Variants in RFTN2 observed in about 807,000 individuals in gnomAD.
RFTN2 encodes the protein raftlin family member 2.
RFTN2 carries 34 observed loss-of-function variants against 52.7 expected under a neutral mutation model. The ratio of observed to expected loss-of-function variants is 0.64; its 90% CI spans 0.49 to 0.86. The LOEUF is 0.86. Ranked by LOEUF, RFTN2 falls within the 40% of genes least tolerant of loss-of-function variation. RFTN2 has a pLI of 0.00. For synonymous variants in RFTN2, 203 were observed against 217.7 expected (o/e 0.93, Z 0.59); for missense variants, 536 against 600.1 (o/e 0.89, Z 1.12).
intron 1 of RFTN2, among the ~76,000 whole-genome samples, chr2:197,661,585 G>A (rs935847569): frequency 6.6e-6 from 1 of 152,042 alleles, no homozygotes; most frequent in Non-Finnish European, 1.5e-5. Context: ...TGTGAATAGC[G>A]CTATGATAAA....
At chr2:197,578,134 C>A (rs2087448235) in intron 8 of RFTN2, among the ~76,000 whole-genome samples, 1 of 152,150 alleles carries the variant, frequency 6.6e-6, no homozygotes. Flanking sequence ...AGCGCTAGGG[C>A]CAAAGGTAAA....
At chr2:197,662,923 G>C (rs757616892) in intron 1 of RFTN2, among the ~76,000 whole-genome samples, 1 of 151,966 alleles carries the variant, frequency 6.6e-6, no homozygotes, top group African/African-American at 2.4e-5. Context: ...ACTGCACCTG[G>C]CCCCCTTCCA....
intron 8 of RFTN2, among the ~76,000 whole-genome samples, chr2:197,586,289 T>A (rs541077188): frequency 6.6e-6 from 1 of 152,210 alleles, no homozygotes; most frequent in Admixed American, 6.5e-5. Flanking sequence ...TCACACACCA[T>A]GAAAATCGAA....
chr2:197,657,836 C>T (rs2088914935), intron 1 of RFTN2, among the ~76,000 whole-genome samples: 1 of 152,126 alleles, frequency 6.6e-6, no homozygotes, highest in African/African-American at 2.4e-5. Flanking sequence ...AGAAGAGGAG[C>T]AATAAATGTG....
chr2:197,659,602 C>T (rs1321488355), intron 1 of RFTN2, among the ~76,000 whole-genome samples: 1 of 151,364 alleles, frequency 6.6e-6, no homozygotes, highest in Non-Finnish European at 1.5e-5. Context: ...TGGATTACTG[C>T]AGGTCAGGAG....
chr2:197,572,354 C>G, intron 8 of RFTN2, 74 bp from the exon 9 acceptor site: 1 of 1,391,056 alleles, frequency 7.2e-7, no homozygotes, highest in Non-Finnish European at 1.0e-6. Flanking sequence ...CTAGCACATG[C>G]TGCCTTTCTG....
chr2:197,628,758 G>A lies in RFTN2; in HGVS notation c.928+2253C>T, dbSNP rs150045771. The stretch of plus-strand genomic sequence containing the variant: ...CACCAGAAAATGAACTCTGACTGTA[G>A]GCTAGGCATTCTGGGAGTCACTTTA... On this transcript the variant is annotated intron_variant, in intron 5 of 8. Transcript: ENST00000295049. Among the ~76,000 whole-genome samples the A allele has an allele frequency of 5.9e-5, 9 of 152,322 alleles. No individual in the cohort carries two copies. In the East Asian group the frequency reaches 1.7e-3, roughly 29 times the overall value.
At chr2:197,661,254 A>G (rs1050767519) in intron 1 of RFTN2, among the ~76,000 whole-genome samples, 1 of 151,258 alleles carries the variant, frequency 6.6e-6, no homozygotes, top group Non-Finnish European at 1.5e-5. Context: ...TTTTGAGACA[A>G]GACTCCAGCT....
chr2:197,634,020 AG>A, intron 3 of RFTN2, 23 bp from the exon 4 acceptor site: 1 of 1,583,958 alleles, frequency 6.3e-7, no homozygotes, highest in Non-Finnish European at 8.6e-7. Context: ...AAGAGATGGC[AG>A]AACAAAATGT....
chr2:197,587,037 T>G (rs961401722), intron 8 of RFTN2, among the ~76,000 whole-genome samples: 4 of 152,224 alleles, frequency 2.6e-5, no homozygotes, highest in Admixed American at 6.5e-5. Flanking sequence ...AATTCTTTAA[T>G]ACCTGTTCTT....
chr2:197,615,373 C>T (rs753149022), intron 7 of RFTN2, among the ~76,000 whole-genome samples: 8 of 152,248 alleles, frequency 5.3e-5, no homozygotes, highest in Non-Finnish European at 7.3e-5. Context: ...AAGCATTTTA[C>T]ATAATGACTT....
At chr2:197,602,422 ACTT>A (rs1408741196) in intron 7 of RFTN2, among the ~76,000 whole-genome samples, 2 of 152,172 alleles carry the variant, frequency 1.3e-5, no homozygotes, top group South Asian at 2.1e-4. Context: ...GACAACTTGA[ACTT>A]CTTCTTGGTT....
chr2:197,639,628 G>C (rs2088627202), intron 3 of RFTN2, among the ~76,000 whole-genome samples: 4 of 90,420 alleles, frequency 4.4e-5, no homozygotes, highest in East Asian at 3.1e-4. Context: ...GGTTATTCTA[G>C]TTATACATTC....
At chr2:197,606,323 A>G (rs543393873) in intron 7 of RFTN2, among the ~76,000 whole-genome samples, 21 of 152,340 alleles carry the variant, frequency 1.4e-4, no homozygotes, top group African/African-American at 5.1e-4. Context: ...TTAGGCACTC[A>G]AGAAATATTT....
chr2:197,642,859 A>G (rs1196986283), intron 3 of RFTN2, among the ~76,000 whole-genome samples: 1 of 152,114 alleles, frequency 6.6e-6, no homozygotes, highest in East Asian at 1.9e-4. Flanking sequence ...CATGCCTACA[A>G]TCCCAGCTAC....
intron 8 of RFTN2, among the ~76,000 whole-genome samples, chr2:197,575,028 G>A: frequency 6.6e-6 from 1 of 152,170 alleles, no homozygotes; most frequent in East Asian, 1.9e-4. Context: ...ATCTTGAATT[G>A]TAGCTCCCAT....
intron 1 of RFTN2, among the ~76,000 whole-genome samples, chr2:197,659,004 T>G (rs2088934660): frequency 6.6e-6 from 1 of 152,150 alleles, no homozygotes; most frequent in African/African-American, 2.4e-5. Flanking sequence ...GCTTAAAAGC[T>G]TCATAGACAA....
At chr2:197,619,184 T>C (rs1234391642) in intron 5 of RFTN2, among the ~76,000 whole-genome samples, 5 of 149,870 alleles carry the variant, frequency 3.3e-5, no homozygotes, top group Non-Finnish European at 5.9e-5. Flanking sequence ...TCTGCCCGGC[T>C]GCGCCTACTG....
intron 1 of RFTN2, among the ~76,000 whole-genome samples, chr2:197,659,506 T>C (rs1223117785): frequency 6.8e-6 from 1 of 147,554 alleles, no homozygotes; most frequent in Non-Finnish European, 1.5e-5. Flanking sequence ...AAAAGAAATA[T>C]TATTTCCTCA....
Sources: allele counts gnomAD v4.1 joint callset (sites outside exome capture counted in the v4.1 genomes callset), GRCh38; gene constraint gnomAD v4.1.1; transcripts MANE v1.5; gene names NCBI Gene and HGNC (gene_info 2026-07-23, HGNC 2026-07-21).